The following AHCYL2 variants were observed in gnomAD, a reference collection of about 807,000 sequenced individuals.
AHCYL2 encodes adenosylhomocysteinase like 2.
In AHCYL2, 28 loss-of-function variants were observed where a neutral mutation model predicts 81.4. The observed-to-expected ratio is 0.34, with a 90% confidence interval of 0.25 to 0.47. The LOEUF is 0.47. Ranked by LOEUF, AHCYL2 falls within the 20% of genes least tolerant of loss-of-function variation. The pLI is 1.00. For missense variants in AHCYL2, 551 were observed against 785.1 expected (o/e 0.70, Z 3.56); for synonymous variants, 272 against 290.2 (o/e 0.94, Z 0.64).
At chr7:129,305,473 C>T (rs1220635805) in intron 1 of AHCYL2, among the ~76,000 whole-genome samples, 1 of 151,226 alleles carries the variant, frequency 6.6e-6, no homozygotes, top group African/African-American at 2.4e-5. Context: ...AACAAACAAA[C>T]AAACAAAAAA....
chr7:129,317,478 C>T (rs986172219), intron 1 of AHCYL2, among the ~76,000 whole-genome samples: 1 of 152,034 alleles, frequency 6.6e-6, no homozygotes, highest in African/African-American at 2.4e-5. Flanking sequence ...GAAGGAAGAC[C>T]GGGAAGAAAA....
Position 129,429,110 on chromosome 7 carries a change from T to C in AHCYL2, c.*2065T>C, listed in dbSNP as rs1797477250. On this transcript the variant is annotated 3_prime_UTR_variant, in exon 17 of 17. Coordinates refer to ENST00000325006, the MANE Select transcript of AHCYL2 (RefSeq NM_015328.4). The stretch of plus-strand genomic sequence containing the variant: ...CTCTCTGGAGCTTACTATGTGCTGG[T>C]ACTTAAAGAGTACATTCTGCCTTGC... The C allele has an allele frequency of 6.6e-6, 1 of 152,228 alleles. No homozygotes were observed. Among genetic ancestry groups the C allele is most frequent in the Admixed American group, 6.5e-5 (1 of 15,292 alleles). The allele number at this position is 152,228 out of a possible 1,614,324, so 9.4% of individuals were successfully genotyped here.
rs571982879 is a variant in AHCYL2, at chr7:129,418,310, A to T, written c.1462-4530A>T. ...ATTTATTTATTTATTTTTATTTTTT[A>T]TTTTTTTGAGACAGAGTCTCGCTCT... is the stretch of plus-strand genomic sequence containing the variant. On this transcript the variant is annotated intron_variant, in intron 12 of 16. Coordinates refer to ENST00000325006, the MANE Select transcript of AHCYL2 (RefSeq NM_015328.4). Among the ~76,000 whole-genome samples the T allele has an allele frequency of 1.3e-3, 199 of 151,684 alleles. 1 individual carries two copies. The highest frequency in any genetic ancestry group is 3.0e-3 in the Admixed American group (46 of 15,226).
chr7:129,294,682 T>G (rs1020452721), intron 1 of AHCYL2, among the ~76,000 whole-genome samples: 3 of 152,226 alleles, frequency 2.0e-5, no homozygotes, highest in Non-Finnish European at 2.9e-5. Context: ...CAGGATATCT[T>G]TTATTAGCAA....
chr7:129,399,253 C>T lies in AHCYL2; in HGVS notation c.824-1037C>T, dbSNP rs145537442. ...CATGAGGTCAGAAGTTCGAGACCAG[C>T]CTGGCCAATATGGTGAAACCCCGTC... is the stretch of plus-strand genomic sequence containing the variant. On this transcript the variant is annotated intron_variant, in intron 5 of 16. Coordinates refer to ENST00000325006, the MANE Select transcript of AHCYL2 (RefSeq NM_015328.4). Among the ~76,000 whole-genome samples, 158 of 151,610 alleles carry T rather than the reference C, an allele frequency of 1.0e-3. No homozygotes were observed. The East Asian group carries it at 0.028, about 27-fold the overall frequency.
chr7:129,316,025 A>G (rs1456353292), intron 1 of AHCYL2, among the ~76,000 whole-genome samples: 8 of 152,234 alleles, frequency 5.3e-5, no homozygotes, highest in African/African-American at 1.9e-4. Context: ...CTTGACAGAA[A>G]TGGCAGATAA....
At chr7:129,234,810 G>A (rs961846355) in intron 1 of AHCYL2, among the ~76,000 whole-genome samples, 1 of 152,172 alleles carries the variant, frequency 6.6e-6, no homozygotes, top group South Asian at 2.1e-4. Context: ...CTGTCTTAAA[G>A]AATTTCTTCC....
Position 129,413,590 on chromosome 7 carries a change from T to C in AHCYL2, c.1367-4T>C. 2 of 1,612,814 alleles carry C rather than the reference T, an allele frequency of 1.2e-6. No individual in the cohort carries two copies. Among genetic ancestry groups the C allele is most frequent in the South Asian group, 2.2e-5 (2 of 91,052 alleles). On this transcript the variant is annotated splice_polypyrimidine_tract_variant and splice_region_variant and intron_variant, in intron 11 of 16. Coordinates refer to ENST00000325006, the MANE Select transcript of AHCYL2 (RefSeq NM_015328.4). ...GCTGCTCAGACCTCTCTTCTGTTTT[T>C]AAGGTAACAAGAATGTGGTAACCAG...
At chr7:129,264,986 G>A (rs2150720502) in intron 1 of AHCYL2, among the ~76,000 whole-genome samples, 1 of 152,172 alleles carries the variant, frequency 6.6e-6, no homozygotes, top group South Asian at 2.1e-4. Flanking sequence ...CAGAATTTAT[G>A]GTATTTATTA....
At chr7:129,240,880 A>G (rs147750928) in intron 1 of AHCYL2, among the ~76,000 whole-genome samples, 1 of 152,244 alleles carries the variant, frequency 6.6e-6, no homozygotes, top group African/African-American at 2.4e-5. Context: ...ATAGAAAGAG[A>G]TGTAATTTTC....
intron 6 of AHCYL2, among the ~76,000 whole-genome samples, chr7:129,401,759 T>C (rs1796048730): frequency 6.6e-6 from 1 of 152,126 alleles, no homozygotes; most frequent in African/African-American, 2.4e-5. Context: ...ATTTTTAAAG[T>C]CAGGAACCCA....
chr7:129,226,673 A>G (rs1794233830), intron 1 of AHCYL2, among the ~76,000 whole-genome samples: 1 of 152,204 alleles, frequency 6.6e-6, no homozygotes, highest in African/African-American at 2.4e-5. Context: ...CTAACGATAC[A>G]AATTTAGGTG....
intron 1 of AHCYL2, among the ~76,000 whole-genome samples, chr7:129,299,614 C>T (rs922776837): frequency 6.6e-6 from 1 of 151,518 alleles, no homozygotes. Context: ...AGGATGGTGT[C>T]GATCTCCTTA....
At chr7:129,420,476 T>C (rs975026374) in intron 12 of AHCYL2, among the ~76,000 whole-genome samples, 1 of 143,706 alleles carries the variant, frequency 7.0e-6, no homozygotes. Context: ...TTGCTTAAAT[T>C]CTTTTTTTTT....
chr7:129,282,977 A>G (rs1416426191), intron 1 of AHCYL2, among the ~76,000 whole-genome samples: 1 of 152,090 alleles, frequency 6.6e-6, no homozygotes, highest in Non-Finnish European at 1.5e-5. Context: ...GGGGTTTTCC[A>G]GTTTGGCTGG....
intron 1 of AHCYL2, among the ~76,000 whole-genome samples, chr7:129,349,367 C>T (rs535315255): frequency 6.8e-6 from 1 of 147,232 alleles, no homozygotes; most frequent in South Asian, 2.2e-4. Context: ...GGCATGGTGG[C>T]TTATGTCTGT....
chr7:129,266,310 G>A (rs1324657352), intron 1 of AHCYL2, among the ~76,000 whole-genome samples: 2 of 152,222 alleles, frequency 1.3e-5, no homozygotes, highest in African/African-American at 4.8e-5. Flanking sequence ...TAGTGGATGA[G>A]AAGGAGGGAG....
chr7:129,296,201 A>G (rs1039148411), intron 1 of AHCYL2, among the ~76,000 whole-genome samples: 7 of 152,202 alleles, frequency 4.6e-5, no homozygotes, highest in Admixed American at 4.6e-4. Context: ...TATTTAGGAG[A>G]AAACACATTT....
At chr7:129,225,606 C>G (rs867937399) in intron 1 of AHCYL2, among the ~76,000 whole-genome samples, 167 bp downstream of exon 1, 1 of 152,170 alleles carries the variant, frequency 6.6e-6, no homozygotes, top group Non-Finnish European at 1.5e-5. Flanking sequence ...CCAGCCGGCC[C>G]CTCGTGCTGG....
Sources: gnomAD v4.1 joint callset for allele counts (sites outside exome capture counted in the v4.1 genomes callset) on GRCh38, gnomAD v4.1.1 for gene constraint, MANE v1.5 for transcripts, NCBI Gene and HGNC (gene_info 2026-07-23, HGNC 2026-07-21) for gene names.